Variants in AUTS2 observed in about 807,000 individuals in gnomAD.
The protein encoded by AUTS2 is activator of transcription and developmental regulator AUTS2.
AUTS2 carries 17 observed loss-of-function variants against 112.4 expected under a neutral mutation model. That is an observed-to-expected ratio of 0.15 (90% CI 0.10 to 0.23). The LOEUF is 0.23. Ranked by LOEUF, AUTS2 falls within the 10% of genes least tolerant of loss-of-function variation. The probability of loss-of-function intolerance (pLI) is 1.00; values close to 1 mark genes in which losing one functional copy is unlikely to be tolerated. For missense variants in AUTS2, 1,510 were observed against 1,701.6 expected (o/e 0.89, Z 1.98); for synonymous variants, 751 against 702.7 (o/e 1.07, Z -1.09).
chr7:69,919,633 G>T (rs1487775970), intron 2 of AUTS2, among the ~76,000 whole-genome samples: 1 of 152,136 alleles, frequency 6.6e-6, no homozygotes, highest in South Asian at 2.1e-4. Flanking sequence ...CTGGCACTTT[G>T]TCCTTAACCA....
chr7:70,252,142 A>C (rs759064726), intron 4 of AUTS2, among the ~76,000 whole-genome samples: 10 of 152,198 alleles, frequency 6.6e-5, no homozygotes, highest in Non-Finnish European at 1.2e-4. Flanking sequence ...CTTTGAATTT[A>C]TATCAGAAGT....
At chr7:70,775,515 G>C in intron 13 of AUTS2, 129 bp downstream of exon 13, 1 of 753,568 alleles carries the variant, frequency 1.3e-6, no homozygotes, top group South Asian at 2.0e-5. Context: ...ACGGTGATTG[G>C]GTTTTTCAGA....
intron 4 of AUTS2, among the ~76,000 whole-genome samples, chr7:70,185,552 TATTTA>T (rs1239747209): frequency 6.6e-6 from 1 of 152,224 alleles, no homozygotes; most frequent in Non-Finnish European, 1.5e-5. Flanking sequence ...TGAATACATT[TATTTA>T]ATTGTGGCTT....
intron 5 of AUTS2, among the ~76,000 whole-genome samples, chr7:70,491,884 G>A (rs988692493): frequency 1.3e-5 from 2 of 152,122 alleles, no homozygotes; most frequent in South Asian, 2.1e-4. Context: ...CAGAGTGCTG[G>A]GATTACAAGT....
chr7:69,988,895 G>A (rs751945184), intron 2 of AUTS2, among the ~76,000 whole-genome samples: 15 of 152,126 alleles, frequency 9.9e-5, no homozygotes, highest in Non-Finnish European at 1.8e-4. Context: ...TTTCCTAGGA[G>A]CACTTTTTGT....
Position 69,791,933 on chromosome 7 carries a change from C to T in AUTS2, c.310-107353C>T, listed in dbSNP as rs56409833. ...TTACTGTCTGAGAATCTGCATGTGG[C>T]CTGCAGGCTCTGTAGTTGGGCTGAG... On this transcript the variant is annotated intron_variant, in intron 1 of 18. Transcript: ENST00000342771. Among the ~76,000 whole-genome samples, 851 of 152,176 alleles carry T rather than the reference C, an allele frequency of 5.6e-3. 11 individuals carry two copies. The highest frequency in any genetic ancestry group is 6.2e-3 in the Non-Finnish European group (424 of 67,998).
intron 2 of AUTS2, among the ~76,000 whole-genome samples, chr7:70,094,948 A>G (rs1466450137): frequency 1.3e-5 from 2 of 152,190 alleles, no homozygotes; most frequent in Admixed American, 6.5e-5. Context: ...AGTTGACAGT[A>G]TAATAGGCTT....
chr7:69,801,432 C>T (rs1790076456), intron 1 of AUTS2, among the ~76,000 whole-genome samples: 1 of 149,472 alleles, frequency 6.7e-6, no homozygotes, highest in Non-Finnish European at 1.5e-5. Context: ...ACCATATATA[C>T]ATATATATGT....
intron 4 of AUTS2, among the ~76,000 whole-genome samples, chr7:70,262,421 G>T (rs778831828): frequency 6.6e-6 from 1 of 152,024 alleles, no homozygotes; most frequent in African/African-American, 2.4e-5. Flanking sequence ...AACTCCTGAC[G>T]TCAAGTGATC....
At chr7:70,186,522 T>G (rs947024290) in intron 4 of AUTS2, among the ~76,000 whole-genome samples, 2 of 152,170 alleles carry the variant, frequency 1.3e-5, no homozygotes, top group African/African-American at 2.4e-5. Flanking sequence ...AAAGACAGAT[T>G]ATGGTAATAG....
chr7:70,472,117 C>T (rs569793044), intron 5 of AUTS2, among the ~76,000 whole-genome samples: 3 of 152,120 alleles, frequency 2.0e-5, no homozygotes, highest in Non-Finnish European at 1.5e-5. Context: ...CACTTAAAAC[C>T]GTAGAGAATA....
chr7:70,675,098 C>T (rs1563119276), intron 5 of AUTS2, among the ~76,000 whole-genome samples: 1 of 70,638 alleles, frequency 1.4e-5, no homozygotes, highest in South Asian at 4.9e-4. Flanking sequence ...ATTAATCCTC[C>T]CCCCCCTCAA....
At chr7:69,986,147 A>G (rs1401610355) in intron 2 of AUTS2, among the ~76,000 whole-genome samples, 1 of 152,094 alleles carries the variant, frequency 6.6e-6, no homozygotes, top group Non-Finnish European at 1.5e-5. Context: ...CCCTTTGTAA[A>G]TGTATTTGCT....
At chr7:70,746,626 T>C (rs1212305055) in intron 6 of AUTS2, among the ~76,000 whole-genome samples, 1 of 151,958 alleles carries the variant, frequency 6.6e-6, no homozygotes, top group African/African-American at 2.4e-5. Context: ...GGGTTAACCG[T>C]GAGGCTGAAA....
At chr7:70,148,340 A>C (rs1807246268) in intron 4 of AUTS2, among the ~76,000 whole-genome samples, 1 of 152,140 alleles carries the variant, frequency 6.6e-6, no homozygotes, top group Non-Finnish European at 1.5e-5. Context: ...GAAAAAAGAG[A>C]GCTTCCTTAT....
intron 5 of AUTS2, among the ~76,000 whole-genome samples, chr7:70,583,798 G>T (rs914631747): frequency 6.6e-6 from 1 of 152,340 alleles, no homozygotes; most frequent in South Asian, 2.1e-4. Context: ...ACTGCCTTCT[G>T]TCCCTCTTCC....
chr7:70,198,462 A>G (rs1288255524), intron 4 of AUTS2, among the ~76,000 whole-genome samples: 39 of 149,702 alleles, frequency 2.6e-4, no homozygotes, highest in Non-Finnish European at 4.0e-4. Context: ...AGAAGAATGT[A>G]TAACTAGAAT....
intron 5 of AUTS2, among the ~76,000 whole-genome samples, chr7:70,465,060 C>G (rs970602578): frequency 6.6e-6 from 1 of 152,142 alleles, no homozygotes; most frequent in Non-Finnish European, 1.5e-5. Flanking sequence ...AGAAAGTACA[C>G]CAGCCGGCCT....
chr7:70,733,681 G>A (rs1787598180), intron 6 of AUTS2, among the ~76,000 whole-genome samples: 1 of 151,934 alleles, frequency 6.6e-6, no homozygotes, highest in Non-Finnish European at 1.5e-5. Flanking sequence ...CCGCCTCCAG[G>A]GTTCAAGTGA....
Sources: allele counts gnomAD v4.1 joint callset (sites outside exome capture counted in the v4.1 genomes callset), GRCh38; gene constraint gnomAD v4.1.1; transcripts MANE v1.5; gene names NCBI Gene and HGNC (gene_info 2026-07-23, HGNC 2026-07-21).